Variants in ATP2B1 observed in about 807,000 individuals in gnomAD.
ATP2B1 encodes the protein ATPase plasma membrane Ca2+ transporting 1, also known as plasma membrane calcium-transporting ATPase 1.
ATP2B1 carries 14 observed loss-of-function variants against 124.2 expected under a neutral mutation model. That is an observed-to-expected ratio of 0.11 (90% CI 0.07 to 0.18). ATP2B1 has a LOEUF of 0.18. Ranked by LOEUF, ATP2B1 falls within the 10% of genes least tolerant of loss-of-function variation. The pLI is 1.00. For missense variants in ATP2B1, 763 were observed against 1,466.1 expected (o/e 0.52, Z 7.83); for synonymous variants, 449 against 492.4 (o/e 0.91, Z 1.17).
chr12:89,670,217 A>G (rs1887772480), intron 1 of ATP2B1, among the ~76,000 whole-genome samples: 1 of 152,216 alleles, frequency 6.6e-6, no homozygotes, highest in African/African-American at 2.4e-5. Context: ...AACCAGAAAC[A>G]GGAGGGGAAA....
At chr12:89,672,716 C>T (rs1031654226) in intron 1 of ATP2B1, among the ~76,000 whole-genome samples, 5 of 152,118 alleles carry the variant, frequency 3.3e-5, no homozygotes, top group Non-Finnish European at 5.9e-5. Context: ...ACACCCACCA[C>T]AGTAGAGTCT....
intron 1 of ATP2B1, among the ~76,000 whole-genome samples, chr12:89,676,344 T>C (rs140400338): frequency 6.6e-4 from 100 of 152,308 alleles, no homozygotes; most frequent in African/African-American, 2.2e-3. Context: ...TGATGTATTT[T>C]GTCAGACTTT....
In ATP2B1 at chr12:89,619,967, G is replaced by C. The variant is rs370127824; in HGVS notation, c.1829+32C>G. ...ATACTCCATAAAGCAACTATAGTCA[G>C]CAATTTATTCATCCAAGCATTTTAC... is the stretch of plus-strand genomic sequence containing the variant. On this transcript the variant is annotated intron_variant, in intron 11 of 20. Coordinates refer to ENST00000428670, the MANE Select transcript of ATP2B1 (RefSeq NM_001366521.1). 6.0e-5 allele frequency: 96 copies of C among 1,608,740 alleles called. 2 individuals carry two copies. In the African/African-American group the frequency reaches 1.1e-3, roughly 18 times the overall value.
At chr12:89,661,275 TAAGC>T (rs1465260013) in intron 1 of ATP2B1, among the ~76,000 whole-genome samples, 14 of 152,308 alleles carry the variant, frequency 9.2e-5, no homozygotes, top group Non-Finnish European at 1.9e-4. Context: ...TTGGAGTGAT[TAAGC>T]AAGTATTACT....
intron 15 of ATP2B1, among the ~76,000 whole-genome samples, chr12:89,609,219 A>C (rs1214397205): frequency 6.6e-6 from 1 of 152,196 alleles, no homozygotes; most frequent in Non-Finnish European, 1.5e-5. Flanking sequence ...AAAAGAGCTT[A>C]GCACCCCATA....
In ATP2B1 at chr12:89,691,207, G is replaced by C. The variant is rs374211280; in HGVS notation, c.-222+17389C>G. 3.3e-5 allele frequency among the ~76,000 whole-genome samples: 5 copies of C among 152,082 alleles called. No homozygotes were observed. In the East Asian group the frequency reaches 9.7e-4, roughly 29 times the overall value. Reference sequence around the variant, plus strand: ...AAAAAAAATCATCATCCTATTTAGAGGGCTATTATATGGATTAAATGATAC... The same window carrying C: ...AAAAAAAATCATCATCCTATTTAGACGGCTATTATATGGATTAAATGATAC... On this transcript the variant is annotated intron_variant, in intron 1 of 20. Transcript: ENST00000428670.
At chr12:89,634,976 C>T in intron 4 of ATP2B1, 21 bp downstream of exon 4, 5 of 1,612,952 alleles carry the variant, frequency 3.1e-6, no homozygotes, top group Middle Eastern at 1.7e-4. Context: ...GTCAGATGTA[C>T]TGCTCTTTTT....
chr12:89,693,900 T>C (rs56047743), intron 1 of ATP2B1, among the ~76,000 whole-genome samples: 2,738 of 152,288 alleles, frequency 0.018, 69 homozygotes, highest in African/African-American at 0.061. Flanking sequence ...ACTGGATAAA[T>C]AATAGCCTTA....
chr12:89,603,160 C>T lies in ATP2B1; in HGVS notation c.2943G>A (p.Leu981=). 6.2e-6 allele frequency: 10 copies of T among 1,613,872 alleles called. No individual in the cohort carries two copies. The highest frequency in any genetic ancestry group is 8.5e-6 in the Non-Finnish European group (10 of 1,179,898). ...HYTIVFNTFV[L]MQLFNEINAR... Reference sequence around the variant, plus strand: ...CATTTATTTCGTTGAAAAGTTGCATCAGCACAAAGGTATTAAAAACAATAG... The same window carrying T: ...CATTTATTTCGTTGAAAAGTTGCATTAGCACAAAGGTATTAAAAACAATAG... Residue 981 remains leucine (L), a synonymous_variant, in exon 18 of 21, where the codon CTG becomes CTA. Coordinates refer to ENST00000428670, the MANE Select transcript of ATP2B1 (RefSeq NM_001366521.1). This position sits in a 1 kb window ranked among gnomAD's most constrained non-coding sequence, Gnocchi z 4.3.
chr12:89,691,677 T>C (rs931850020), intron 1 of ATP2B1, among the ~76,000 whole-genome samples: 2 of 152,136 alleles, frequency 1.3e-5, no homozygotes, highest in African/African-American at 2.4e-5. Flanking sequence ...ACTGAGTCTA[T>C]CTAGGGAGAC....
At chr12:89,599,029 GAA>G in intron 20 of ATP2B1, 86 bp downstream of exon 20, 1 of 1,440,412 alleles carries the variant, frequency 6.9e-7, no homozygotes, top group Non-Finnish European at 9.4e-7. Flanking sequence ...GGCTAGAGAG[GAA>G]GTTTAAGGAG....
intron 12 of ATP2B1, among the ~76,000 whole-genome samples, chr12:89,613,431 C>T (rs556994958): frequency 1.2e-4 from 19 of 152,286 alleles, no homozygotes; most frequent in Admixed American, 2.0e-4. Context: ...GGGGACATCA[C>T]GTGCATTTAC....
chr12:89,647,196 T>C (rs1353121143), intron 2 of ATP2B1, among the ~76,000 whole-genome samples: 5 of 152,232 alleles, frequency 3.3e-5, no homozygotes, highest in Non-Finnish European at 1.5e-5. Flanking sequence ...TGTAGTGTAG[T>C]GGCAATGAGG....
intron 5 of ATP2B1, among the ~76,000 whole-genome samples, chr12:89,632,633 T>C (rs951890969): frequency 6.6e-6 from 1 of 152,206 alleles, no homozygotes; most frequent in African/African-American, 2.4e-5. Flanking sequence ...ACTAACTGAA[T>C]ACTGCTTTTA....
intron 2 of ATP2B1, among the ~76,000 whole-genome samples, chr12:89,645,563 T>G (rs1029704352): frequency 5.9e-5 from 9 of 152,142 alleles, no homozygotes; most frequent in African/African-American, 2.2e-4. Flanking sequence ...GGAGCTAACA[T>G]TTGGCTTCTG....
chr12:89,646,324 T>C (rs1884450072), intron 2 of ATP2B1, among the ~76,000 whole-genome samples: 1 of 152,134 alleles, frequency 6.6e-6, no homozygotes, highest in Non-Finnish European at 1.5e-5. Context: ...ATACAGATGA[T>C]TCTGGAGCCA....
chr12:89,684,551 A>G (rs1889742743), intron 1 of ATP2B1, among the ~76,000 whole-genome samples: 1 of 152,180 alleles, frequency 6.6e-6, no homozygotes, highest in Admixed American at 6.6e-5. Context: ...AAAACACAAG[A>G]ACCTCTGAAG....
intron 1 of ATP2B1, among the ~76,000 whole-genome samples, chr12:89,701,263 A>G (rs917297197): frequency 8.5e-5 from 13 of 152,140 alleles, no homozygotes; most frequent in African/African-American, 2.9e-4. Context: ...AAAACTCAGC[A>G]TTACTCCACC....
intron 9 of ATP2B1, 134 bp from the exon 10 acceptor site, chr12:89,621,925 A>G: frequency 3.1e-6 from 3 of 958,656 alleles, no homozygotes; most frequent in Non-Finnish European, 4.2e-6. Context: ...TAAAGTACCA[A>G]TGTAATACTG....
Sources: allele counts gnomAD v4.1 joint callset (sites outside exome capture counted in the v4.1 genomes callset), GRCh38; gene constraint gnomAD v4.1.1; non-coding constraint Gnocchi (gnomAD v3.1); transcripts MANE v1.5; gene names NCBI Gene and HGNC (gene_info 2026-07-23, HGNC 2026-07-21).